The following TUBGCP5 variants were observed in gnomAD, a reference collection of about 807,000 sequenced individuals.
TUBGCP5 encodes tubulin gamma complex component 5.
Under a neutral mutation model 134.7 loss-of-function variants are expected in TUBGCP5, and 98 were observed. The observed-to-expected ratio is 0.73, with a 90% CI of 0.62 to 0.86. The LOEUF is 0.86. TUBGCP5 is among the 40% of genes least tolerant of loss of function. The pLI is 0.00. For missense variants in TUBGCP5, 1,150 were observed against 1,244.8 expected, an observed-to-expected ratio of 0.92 and a Z score of 1.15; for synonymous variants, 456 against 431.4, an observed-to-expected ratio of 1.06 and a Z score of -0.71.
intron 22 of TUBGCP5, 149 bp from the exon 23 acceptor site, chr15:23,000,015 A>T (rs1445708849): frequency 2.7e-6 from 2 of 731,944 alleles, no homozygotes; most frequent in East Asian, 5.6e-5. Context: ...GGTTCAAGCA[A>T]TTTTCCTGCC....
chr15:23,026,699 G>A (rs1305821447), intron 7 of TUBGCP5, among the ~76,000 whole-genome samples: 2 of 152,090 alleles, frequency 1.3e-5, no homozygotes, highest in Admixed American at 1.3e-4. Flanking sequence ...TTGGGAGGCC[G>A]AGGCAGGTGG....
At chr15:23,021,852 T>C (rs2065715023) in intron 11 of TUBGCP5, 107 bp downstream of exon 11, 3 of 1,224,728 alleles carry the variant, frequency 2.4e-6, no homozygotes, top group Admixed American at 3.7e-5. Flanking sequence ...CTCTGAACTG[T>C]CTGACGAGTC....
Position 22,988,497 on chromosome 15 carries a change from G to T in TUBGCP5, c.*62-4886C>A, listed in dbSNP as rs185870526. ...GCCTGTAATCCCAGCACTTTGGGAG[G>T]CCAAGGCGGGCGTATCACGAGGTCA... On this transcript the variant is annotated intron_variant and NMD_transcript_variant, in intron 23 of 23. Transcript: ENST00000614508. 3.4e-4 allele frequency among the ~76,000 whole-genome samples: 52 copies of T among 151,790 alleles called. 2 individuals are homozygous for T. The East Asian group carries it at 8.1e-3, about 24-fold the overall frequency.
At chr15:22,994,823 G>C (rs1015683482), downstream of TUBGCP5, among the ~76,000 whole-genome samples, 1 of 152,118 alleles carries the variant, frequency 6.6e-6, no homozygotes, top group Non-Finnish European at 1.5e-5. Context: ...TTCCAAATTG[G>C]CTGTACCAAG....
At chr15:23,039,360 C>T (rs755910378) in intron 1 of TUBGCP5, 38 bp downstream of exon 1, 23 of 1,368,756 alleles carry the variant, frequency 1.7e-5, no homozygotes, top group Non-Finnish European at 2.0e-5. Context: ...GGGCTCCGGG[C>T]TGTGGCCGGG....
At chr15:22,994,089 T>A (rs1454480842) in intron 23 of TUBGCP5, among the ~76,000 whole-genome samples, 2 of 151,922 alleles carry the variant, frequency 1.3e-5, no homozygotes, top group African/African-American at 4.8e-5. Context: ...AATAGGGTCT[T>A]TTTTCCCTTC....
At chr15:22,999,984 C>T in intron 22 of TUBGCP5, 118 bp from the exon 23 acceptor site, 1 of 902,982 alleles carries the variant, frequency 1.1e-6, no homozygotes, top group African/African-American at 1.7e-5. Context: ...AATCTCAGCT[C>T]ACTGCAACCT....
At chr15:23,037,359 A>C (rs1364181264) in intron 1 of TUBGCP5, among the ~76,000 whole-genome samples, 1 of 152,098 alleles carries the variant, frequency 6.6e-6, no homozygotes, top group East Asian at 1.9e-4. Flanking sequence ...TCCAGCACAC[A>C]GGTTCTTCCT....
intron 13 of TUBGCP5, among the ~76,000 whole-genome samples, chr15:23,011,885 GC>G (rs1291488198): frequency 6.7e-6 from 1 of 150,362 alleles, no homozygotes; most frequent in Non-Finnish European, 1.5e-5. Context: ...GGAGGCTGAG[GC>G]GGGTGGATCA....
intron 11 of TUBGCP5, 147 bp from the exon 12 acceptor site, chr15:23,019,481 T>C (rs1227633450): frequency 4.7e-6 from 3 of 643,632 alleles, no homozygotes; most frequent in South Asian, 3.8e-5. Flanking sequence ...TCCAAAAACA[T>C]ACACTATAAA....
intron 13 of TUBGCP5, 117 bp from the exon 14 acceptor site, chr15:23,011,448 T>C (rs558995244): frequency 3.6e-4 from 110 of 302,446 alleles, no homozygotes; most frequent in African/African-American, 2.3e-3. Context: ...TATATATTTA[T>C]ATATAAATAT....
Position 23,009,890 on chromosome 15 carries a change from GTTC to G in TUBGCP5, c.2144+52_2144+54del, listed in dbSNP as rs1243783435. 6 of 1,511,562 alleles carry G rather than the reference GTTC, an allele frequency of 4.0e-6. No individual in the cohort carries two copies. In the African/African-American group the frequency reaches 4.1e-5, roughly 10 times the overall value. The allele number at this position is 1,511,562 out of a possible 1,614,324, so 93.6% of individuals were successfully genotyped here. ...AATAGGTTTTAAAATAATCTCAACT[GTTC>G]TTCAAGTACAATCAACTATTTACTA... On this transcript the variant is annotated intron_variant, in intron 15 of 22. Coordinates refer to ENST00000615383, the MANE Select transcript of TUBGCP5 (RefSeq NM_052903.6).
intron 1 of TUBGCP5, among the ~76,000 whole-genome samples, chr15:23,037,865 C>T (rs901768737): frequency 3.9e-5 from 6 of 152,126 alleles, no homozygotes; most frequent in Non-Finnish European, 5.9e-5. Flanking sequence ...CCTGGGTTCG[C>T]GCCATTCTCC....
intron 4 of TUBGCP5, among the ~76,000 whole-genome samples, chr15:23,032,484 ATTAT>A (rs2066368451): frequency 6.6e-6 from 1 of 152,262 alleles, no homozygotes; most frequent in African/African-American, 2.4e-5. Flanking sequence ...CTGTTGTATT[ATTAT>A]TTATTTATTT....
In TUBGCP5 at chr15:23,000,304, T is replaced by C. The variant is rs1341793327; in HGVS notation, c.3028+265A>G. On this transcript the variant is annotated intron_variant, in intron 22 of 22. Coordinates refer to ENST00000615383, the MANE Select transcript of TUBGCP5 (RefSeq NM_052903.6). ...GATAGTGAAGTGTGACAGAAATCTA[T>C]TCTGCCATCAACTTTATTTAATAGG... The C allele has an allele frequency of 2.8e-5, 36 of 1,273,314 alleles. No individual in the cohort carries two copies. In the East Asian group the frequency reaches 1.1e-3, roughly 38 times the overall value. 78.9% of individuals were successfully genotyped at this position (1,273,314 alleles called of 1,614,324 possible).
chr15:23,031,144 A>T, intron 5 of TUBGCP5, 124 bp from the exon 6 acceptor site: 1 of 965,374 alleles, frequency 1.0e-6, no homozygotes, highest in South Asian at 2.8e-5. Context: ...ACAGAAAAAC[A>T]AATTTTTTTT....
intron 1 of TUBGCP5, 104 bp downstream of exon 1, chr15:23,039,294 C>T (rs2066780451): frequency 1.7e-6 from 2 of 1,194,914 alleles, no homozygotes; most frequent in Non-Finnish European, 2.1e-6. Flanking sequence ...CGCCCGCCTC[C>T]GCCCCATGCC....
intron 1 of TUBGCP5, among the ~76,000 whole-genome samples, chr15:23,038,144 C>T (rs1021675016): frequency 3.3e-5 from 5 of 152,168 alleles, no homozygotes; most frequent in Non-Finnish European, 7.3e-5. Flanking sequence ...ACAGCCTATG[C>T]AACTAATGTA....
At chr15:23,006,205 A>G in intron 17 of TUBGCP5, 33 bp from the exon 18 acceptor site, 1 of 1,610,530 alleles carries the variant, frequency 6.2e-7, no homozygotes, top group Non-Finnish European at 8.5e-7. Flanking sequence ...GAAAGTAACC[A>G]ATTACTTGCA....
Sources: gnomAD v4.1 joint callset for allele counts (sites outside exome capture counted in the v4.1 genomes callset) on GRCh38, gnomAD v4.1.1 for gene constraint, MANE v1.5 for transcripts, NCBI Gene and HGNC (gene_info 2026-07-23, HGNC 2026-07-21) for gene names.